The following LCN12 variants were observed in gnomAD, a reference collection of about 807,000 sequenced individuals.
LCN12 encodes epididymal-specific lipocalin-12.
In LCN12, 15 loss-of-function variants were observed where a neutral mutation model predicts 23.7. The observed-to-expected ratio is 0.63, with a 90% CI of 0.42 to 0.97. The LOEUF (loss-of-function observed/expected upper bound fraction) is 0.97. Ranked by LOEUF, LCN12 falls within the 50% of genes least tolerant of loss-of-function variation. The pLI is 0.00. For synonymous variants in LCN12, 116 were observed against 111.5 expected (o/e 1.04, Z -0.25); for missense variants, 219 against 249.6 (o/e 0.88, Z 0.83).
chr9:136,955,095 G>A, intron 5 of LCN12: 4 of 1,414,148 alleles, frequency 2.8e-6, no homozygotes, highest in African/African-American at 1.4e-5. Context: ...GGCCTCCTGG[G>A]TCTGCAGTGA....
chr9:136,955,568 A>G, downstream of LCN12: 1 of 640,274 alleles, frequency 1.6e-6, no homozygotes, highest in Non-Finnish European at 2.6e-6. Flanking sequence ...CTGACCCTGC[A>G]GGGCTGCAAC....
intron 5 of LCN12, 26 bp from the exon 6 acceptor site, chr9:136,955,345 C>T: frequency 6.2e-7 from 1 of 1,611,758 alleles, no homozygotes; most frequent in South Asian, 1.1e-5. Context: ...CTTTGTCCTC[C>T]ATCCCGACTC....
chr9:136,953,731 C>A lies in LCN12; in HGVS notation c.283C>A (p.Leu95Met). Residue 95 changes from leucine to methionine, a missense_variant, in exon 3 of 6, where the codon CTG becomes ATG. By Grantham distance (15) the Leu-to-Met change is conservative. Transcript: ENST00000371633. The stretch of plus-strand genomic sequence containing the variant: ...GCACTGTGACACATGGTCTTATGTG[C>A]TGATACCGGCAGCCCAGCCTGGGCA... ...GQHCDTWSYV[L>M]IPAAQPGQFT... is the part of the protein sequence containing the mutation. 1 of 1,603,928 alleles carries A rather than the reference C, an allele frequency of 6.2e-7. No individual in the cohort carries two copies. Among genetic ancestry groups the A allele is most frequent in the Non-Finnish European group, 8.5e-7 (1 of 1,175,464 alleles).
chr9:136,954,692 C>T, intron 5 of LCN12: 2 of 1,289,162 alleles, frequency 1.6e-6, no homozygotes. Context: ...CCTCACCCAT[C>T]CCTGCTCACA....
At chr9:136,950,195 G>A (rs1313401373), upstream of LCN12, among the ~76,000 whole-genome samples, 1 of 152,362 alleles carries the variant, frequency 6.6e-6, no homozygotes, top group East Asian at 1.9e-4. Context: ...ACCTGCGTCT[G>A]CCCCGCGGTG....
rs55839042 is a variant in LCN12, at chr9:136,955,061, C to T, written c.551-310C>T. 5.5e-3 allele frequency: 7,722 copies of T among 1,403,332 alleles called. 29 individuals are homozygous for T. Among genetic ancestry groups the T allele is most frequent in the Non-Finnish European group, 6.5e-3 (7,029 of 1,079,564 alleles). The allele number at this position is 1,403,332 out of a possible 1,614,324, so 86.9% of individuals were successfully genotyped here. The stretch of plus-strand genomic sequence containing the variant: ...ACGTGCTGGTCTGCACACACCTGCA[C>T]ACACCTGCACACTCGCTATGCCAGG... On this transcript the variant is annotated intron_variant, in intron 5 of 5. Coordinates refer to ENST00000371633, the MANE Select transcript of LCN12 (RefSeq NM_178536.4).
At chr9:136,953,996 G>A (rs760210558) in intron 4 of LCN12, 32 bp downstream of exon 4, 10 of 1,600,618 alleles carry the variant, frequency 6.2e-6, no homozygotes, top group East Asian at 2.2e-5. Flanking sequence ...GGGCCCGTGT[G>A]TGGCCCTGGA....
chr9:136,953,362 TTTGGGGG>T, intron 2 of LCN12: 1 of 92,820 alleles, frequency 1.1e-5, no homozygotes, highest in South Asian at 1.3e-4. Context: ...ATCCTAGCAC[TTTGGGGG>T]CCGGGCGCGG....
At position 136,952,339 on chromosome 9, in the gene LCN12, G is replaced by GTGTGGCC. The variant is rs768366872; in HGVS notation, c.19_25dup (p.Leu9ProfsTer63). On this transcript the variant is annotated frameshift_variant, in exon 1 of 6. Coordinates refer to ENST00000371633, the MANE Select transcript of LCN12 (RefSeq NM_178536.4). LOFTEE classifies it high-confidence loss of function. Reference sequence around the variant, plus strand: ...CAGCAGCTGCCAGGATGAGGCTGCTGTGTGGCCTGTGGCTGTGGCTCTCCT... The same window carrying GTGTGGCC: ...CAGCAGCTGCCAGGATGAGGCTGCTGTGTGGCCTGTGGCCTGTGGCTGTGGCTCTCCT... The GTGTGGCC allele has an allele frequency of 1.3e-5, 21 of 1,610,830 alleles. No homozygotes were observed. Among genetic ancestry groups the GTGTGGCC allele is most frequent in the Non-Finnish European group, 1.6e-5 (19 of 1,178,684 alleles).
At chr9:136,953,054 A>G (rs767696926) in intron 2 of LCN12, 26 bp downstream of exon 2, 2 of 1,612,738 alleles carry the variant, frequency 1.2e-6, no homozygotes, top group South Asian at 2.2e-5. Flanking sequence ...TGCCGTTCCA[A>G]GCGGGTGAGG....
intron 4 of LCN12, 38 bp from the exon 5 acceptor site, chr9:136,954,116 C>G (rs1396922676): frequency 1.8e-5 from 28 of 1,522,388 alleles, no homozygotes; most frequent in Non-Finnish European, 2.4e-5. Context: ...AACCCCCTGC[C>G]AAGTGCACAG....
upstream of LCN12, among the ~76,000 whole-genome samples, chr9:136,950,423 C>A (rs148800135): frequency 3.6e-3 from 553 of 152,276 alleles, 2 homozygotes; most frequent in African/African-American, 0.012. Flanking sequence ...CCCACCCGAC[C>A]TCTGCTGCTC....
chr9:136,950,434 A>G (rs1012212471), upstream of LCN12, among the ~76,000 whole-genome samples: 28 of 152,116 alleles, frequency 1.8e-4, no homozygotes, highest in African/African-American at 6.0e-4. Flanking sequence ...TCTGCTGCTC[A>G]GTCTCTGTGG....
At chr9:136,956,368 A>G (rs934936060), downstream of LCN12, among the ~76,000 whole-genome samples, 2 of 152,074 alleles carry the variant, frequency 1.3e-5, no homozygotes, top group African/African-American at 4.8e-5. Context: ...CATCATGTGC[A>G]CCTCCTGCTG....
upstream of LCN12, among the ~76,000 whole-genome samples, chr9:136,952,121 G>A (rs1017104963): frequency 3.3e-5 from 5 of 151,562 alleles, no homozygotes; most frequent in East Asian, 5.8e-4. Flanking sequence ...CCAAGAGACC[G>A]CAGGTGGGTG....
chr9:136,954,725 A>T, intron 5 of LCN12: 6 of 1,290,826 alleles, frequency 4.6e-6, no homozygotes, highest in Non-Finnish European at 6.1e-6. Context: ...TCATCCCAGG[A>T]GGTGCCCTGG....
At chr9:136,955,011 A>C (rs988049206) in intron 5 of LCN12, 50 of 1,362,252 alleles carry the variant, frequency 3.7e-5, no homozygotes, top group Non-Finnish European at 4.7e-5. Flanking sequence ...ACTGGCACAC[A>C]TGCTGTCTAC....
chr9:136,953,033 G>C lies in LCN12; in HGVS notation c.251+5G>C, dbSNP rs943824029. 2.7e-5 allele frequency: 44 copies of C among 1,613,146 alleles called. No homozygotes were observed. The highest frequency in any genetic ancestry group is 3.3e-5 in the Non-Finnish European group (39 of 1,179,838). On this transcript the variant is annotated splice_donor_5th_base_variant and intron_variant, in intron 2 of 5. Transcript: ENST00000371633. ...GGTGTGGAATGCGATGACTCGGTGA[G>C]TGGCTGTCCCTGCCGTTCCAAGCGG...
intron 5 of LCN12, chr9:136,954,708 C>T: frequency 7.7e-7 from 1 of 1,291,522 alleles, no homozygotes; most frequent in Non-Finnish European, 1.0e-6. Context: ...TCACAAGGAG[C>T]TTGGACTCAT....
Sources: gnomAD v4.1 joint callset for allele counts (sites outside exome capture counted in the v4.1 genomes callset) on GRCh38, gnomAD v4.1.1 for gene constraint, MANE v1.5 for transcripts, NCBI Gene and HGNC (gene_info 2026-07-23, HGNC 2026-07-21) for gene names.